LARP4B: variants seen among roughly 807,000 people sequenced by gnomAD.
LARP4B encodes la-related protein 4B.
LARP4B carries 12 observed loss-of-function variants against 89.8 expected under a neutral mutation model. The ratio of observed to expected loss-of-function variants is 0.13; its 90% CI spans 0.09 to 0.22. The LOEUF is 0.22. Ranked by LOEUF, LARP4B falls within the 10% of genes least tolerant of loss-of-function variation. The pLI, the probability that LARP4B is intolerant of heterozygous loss-of-function variation, is 1.00. For synonymous variants in LARP4B, 367 were observed against 363.3 expected, an observed-to-expected ratio of 1.01 and a Z score of -0.12; for missense variants, 757 against 947.7, an observed-to-expected ratio of 0.80 and a Z score of 2.64.
intron 1 of LARP4B, among the ~76,000 whole-genome samples, chr10:930,529 G>A (rs1029983995): frequency 6.6e-6 from 1 of 152,144 alleles, no homozygotes; most frequent in African/African-American, 2.4e-5. Context: ...GTAAAAATAA[G>A]GGGAAAAGCA....
At position 814,813 on chromosome 10, in the gene LARP4B, T is replaced by C; in HGVS notation, c.1858A>G (p.Ser620Gly). The C allele has an allele frequency of 6.2e-7, 1 of 1,600,480 alleles. No individual in the cohort carries two copies. The highest frequency in any genetic ancestry group is 8.6e-7 in the Non-Finnish European group (1 of 1,169,490). Reference sequence around the variant, plus strand: ...AGGGCGGAAGGAAGTCTGTCCACACTGTGGGTTTCCCTCTGTTTCTCCGCC... The same window carrying C: ...AGGGCGGAAGGAAGTCTGTCCACACCGTGGGTTTCCCTCTGTTTCTCCGCC... ...KVAEKQRETH[S>G]VDRLPSALTA... The change falls in exon 17 of 18, where the codon AGT becomes GGT. Residue 620 changes from serine to glycine, a missense_variant. By Grantham distance (56) the Ser-to-Gly change is moderately conservative. Coordinates refer to ENST00000316157, the MANE Select transcript of LARP4B (RefSeq NM_015155.3). The surrounding 1 kb of genome is among the most constrained non-coding windows in gnomAD (Gnocchi z 4.4).
At chr10:947,773 C>T in the LARP4B span, among the ~76,000 whole-genome samples, 1 of 152,068 alleles carries the variant, frequency 6.6e-6, no homozygotes, top group Non-Finnish European at 1.5e-5. Context: ...AGGGATGCGC[C>T]ACCACGCCCG....
intron 1 of LARP4B, among the ~76,000 whole-genome samples, chr10:922,134 A>T (rs1016612136): frequency 6.6e-5 from 10 of 152,218 alleles, no homozygotes; most frequent in African/African-American, 2.4e-4. Flanking sequence ...GTTCCACCTC[A>T]GATCATCAGG....
chr10:959,890 T>TCCACCTCCTCCTCAATC, the LARP4B span, among the ~76,000 whole-genome samples: 66 of 118,452 alleles, frequency 5.6e-4, no homozygotes, highest in African/African-American at 1.9e-3. Flanking sequence ...TCCTCGTCAA[T>TCCACCTCCTCCTCAATC]CCACCTCCTC....
At chr10:835,390 A>C (rs1833154182) in intron 8 of LARP4B, among the ~76,000 whole-genome samples, 1 of 152,172 alleles carries the variant, frequency 6.6e-6, no homozygotes, top group Non-Finnish European at 1.5e-5. Flanking sequence ...GTGTGGAAAG[A>C]GGTAGCATGA....
chr10:816,161 G>A (rs1299909812), intron 15 of LARP4B, among the ~76,000 whole-genome samples: 2 of 152,224 alleles, frequency 1.3e-5, no homozygotes, highest in Admixed American at 6.5e-5. Context: ...CCCAGGAGGC[G>A]GAGGTTGCAG....
chr10:892,233 G>A (rs190684161), intron 1 of LARP4B, among the ~76,000 whole-genome samples: 71 of 152,358 alleles, frequency 4.7e-4, no homozygotes, highest in Non-Finnish European at 9.3e-4. Flanking sequence ...AAGCAGAGAG[G>A]ATAAGTCCAA....
chr10:922,675 T>TTAAATAAA (rs370807617), intron 1 of LARP4B, among the ~76,000 whole-genome samples: 8,591 of 146,198 alleles, frequency 0.059, 282 homozygotes, highest in African/African-American at 0.07. Flanking sequence ...ACCCCGTCTG[T>TTAAATAAA]TAAATAAATA....
chr10:961,982 C>A, the LARP4B span, among the ~76,000 whole-genome samples: 8 of 152,116 alleles, frequency 5.3e-5, no homozygotes, highest in African/African-American at 1.9e-4. Context: ...GTGTCCCAAT[C>A]TCCTCTTCTT....
the LARP4B span, among the ~76,000 whole-genome samples, chr10:946,205 T>G: frequency 6.6e-6 from 1 of 152,352 alleles, no homozygotes; most frequent in African/African-American, 2.4e-5. Flanking sequence ...GTTTTTTGGT[T>G]GATACCACAT....
intron 5 of LARP4B, among the ~76,000 whole-genome samples, chr10:846,427 G>C (rs1833780296): frequency 6.6e-6 from 1 of 152,188 alleles, no homozygotes; most frequent in Admixed American, 6.5e-5. Context: ...TGATCTGATA[G>C]AGGAGGGGTG....
chr10:973,116 G>GCT, the LARP4B span: 1 of 354,950 alleles, frequency 2.8e-6, no homozygotes, highest in Non-Finnish European at 5.5e-6. Flanking sequence ...GAGTAAAGGA[G>GCT]CTCTGGTCTG....
the LARP4B span, among the ~76,000 whole-genome samples, chr10:950,743 G>T: frequency 6.6e-6 from 1 of 151,922 alleles, no homozygotes; most frequent in African/African-American, 2.4e-5. Flanking sequence ...GTATTTTTTT[G>T]AGTGACTGTA....
chr10:982,371 G>T, the LARP4B span, among the ~76,000 whole-genome samples: 3 of 152,066 alleles, frequency 2.0e-5, no homozygotes, highest in African/African-American at 7.2e-5. Context: ...GATTACAGGC[G>T]TGAGACACTG....
chr10:976,925 G>T, the LARP4B span, among the ~76,000 whole-genome samples: 1 of 150,686 alleles, frequency 6.6e-6, no homozygotes, highest in Non-Finnish European at 1.5e-5. Flanking sequence ...GTCACGTAAT[G>T]TGCAGCCCGG....
chr10:848,395 T>C (rs923538416), intron 5 of LARP4B, among the ~76,000 whole-genome samples: 6 of 151,874 alleles, frequency 4.0e-5, no homozygotes, highest in Non-Finnish European at 7.4e-5. Flanking sequence ...AAAATTACCA[T>C]GCATGCAAAG....
upstream of LARP4B, among the ~76,000 whole-genome samples, chr10:936,583 C>T (rs1409354254): frequency 2.6e-5 from 4 of 152,016 alleles, no homozygotes; most frequent in South Asian, 2.1e-4. Flanking sequence ...ATTAGCTGGG[C>T]GTGGTGGCGG....
chr10:864,313 C>G, intron 3 of LARP4B, 43 bp from the exon 4 acceptor site: 1 of 1,603,854 alleles, frequency 6.2e-7, no homozygotes, highest in African/African-American at 1.3e-5. Context: ...CAAATGTCAA[C>G]CAAATACAAT....
intron 1 of LARP4B, among the ~76,000 whole-genome samples, chr10:916,750 T>C (rs1259846448): frequency 6.6e-6 from 1 of 152,176 alleles, no homozygotes; most frequent in African/African-American, 2.4e-5. Context: ...CAGATTAGAG[T>C]GCAGTGGCAC....
Sources: gnomAD v4.1 joint callset for allele counts (sites outside exome capture counted in the v4.1 genomes callset) on GRCh38, gnomAD v4.1.1 for gene constraint, Gnocchi (gnomAD v3.1) non-coding constraint, MANE v1.5 for transcripts, NCBI Gene and HGNC (gene_info 2026-07-23, HGNC 2026-07-21) for gene names.